The following DNAI3 variants were observed in gnomAD, a reference collection of about 807,000 sequenced individuals.
The protein encoded by DNAI3 is WD repeat domain 63.
DNAI3 carries 83 observed loss-of-function variants against 115.5 expected under a neutral mutation model. The observed-to-expected ratio is 0.72, with a 90% CI of 0.60 to 0.86. The LOEUF (loss-of-function observed/expected upper bound fraction) is 0.86. DNAI3 is among the 40% of genes least tolerant of loss of function. The pLI, the probability that DNAI3 is intolerant of heterozygous loss-of-function variation, is 0.00. For synonymous variants in DNAI3, 320 were observed against 347.0 expected, an observed-to-expected ratio of 0.92 and a Z score of 0.86; for missense variants, 1,004 against 1,075.8, an observed-to-expected ratio of 0.93 and a Z score of 0.93.
chr1:85,063,710 A>G (rs1043326449), intron 1 of DNAI3, among the ~76,000 whole-genome samples: 3 of 152,180 alleles, frequency 2.0e-5, no homozygotes, highest in African/African-American at 4.8e-5. Flanking sequence ...TACAGGGAAG[A>G]GACTTGATAA....
rs547528152 is a variant in DNAI3 at position 85,096,113 on chromosome 1, A to T, written c.1263+93A>T. ...GCAGTTCCTTGGACTTAAGGATTCA[A>T]TTCAGCAGAAGGAAGGCATGCCAAT... On this transcript the variant is annotated intron_variant, in intron 11 of 22. Transcript: ENST00000294664. 8 of 1,176,578 alleles carry T rather than the reference A, an allele frequency of 6.8e-6. No homozygotes were observed. In the East Asian group the frequency reaches 1.7e-4, roughly 25 times the overall value. The allele number at this position is 1,176,578 out of a possible 1,614,324, so 72.9% of individuals were successfully genotyped here.
chr1:85,121,641 C>A, intron 17 of DNAI3, 110 bp from the exon 18 acceptor site: 1 of 965,700 alleles, frequency 1.0e-6, no homozygotes, highest in Non-Finnish European at 1.6e-6. Context: ...ATTAAATTGA[C>A]TTGTTGTTTT....
intron 9 of DNAI3, 69 bp from the exon 10 acceptor site, chr1:85,094,362 G>A (rs1020736629): frequency 1.3e-6 from 2 of 1,589,790 alleles, no homozygotes; most frequent in African/African-American, 2.7e-5. Context: ...GTGTAGAAAA[G>A]CAAAAGCTAG....
At chr1:85,063,981 A>T (rs1347043757) in intron 1 of DNAI3, among the ~76,000 whole-genome samples, 1 of 152,218 alleles carries the variant, frequency 6.6e-6, no homozygotes, top group Non-Finnish European at 1.5e-5. Context: ...GATTGTAAAT[A>T]TATTATTTAT....
At chr1:85,064,530 C>T (rs1479122754) in intron 1 of DNAI3, among the ~76,000 whole-genome samples, 2 of 152,170 alleles carry the variant, frequency 1.3e-5, no homozygotes, top group African/African-American at 2.4e-5. Context: ...TTCTTGCAGA[C>T]GCATTTACCA....
rs533277129 is a variant in DNAI3 at position 85,103,462 on chromosome 1, C to T, written c.1480-1062C>T. ...CTTAGCCTCTTTCCCATTGATCTTA[C>T]CTGCTTAGCAACCTCATAAAAGCCT... On this transcript the variant is annotated intron_variant, in intron 13 of 22. Coordinates refer to ENST00000294664, the MANE Select transcript of DNAI3 (RefSeq NM_145172.5). Among the ~76,000 whole-genome samples, 3 of 152,296 alleles carry T rather than the reference C, an allele frequency of 2.0e-5. No individual in the cohort carries two copies. The South Asian group carries it at 6.2e-4, about 32-fold the overall frequency.
intron 17 of DNAI3, among the ~76,000 whole-genome samples, chr1:85,119,387 C>T (rs970360437): frequency 6.6e-6 from 1 of 152,198 alleles, no homozygotes; most frequent in Non-Finnish European, 1.5e-5. Flanking sequence ...TCTGTATCTA[C>T]GAATGTGACT....
intron 13 of DNAI3, among the ~76,000 whole-genome samples, chr1:85,100,982 G>A (rs1287603350): frequency 6.6e-6 from 1 of 151,716 alleles, no homozygotes; most frequent in South Asian, 2.1e-4. Context: ...GTGGGGTGGG[G>A]GGAGGAGGGG....
At chr1:85,129,909 A>C in intron 21 of DNAI3, 81 bp from the exon 22 acceptor site, 1 of 1,491,866 alleles carries the variant, frequency 6.7e-7, no homozygotes, top group Admixed American at 2.4e-5. Context: ...AATTACAAGC[A>C]GCAGAAATTC....
intron 15 of DNAI3, among the ~76,000 whole-genome samples, chr1:85,108,815 G>C (rs1161087927): frequency 6.6e-6 from 1 of 152,170 alleles, no homozygotes; most frequent in Middle Eastern, 3.4e-3. Context: ...TTTAGATCCA[G>C]GTAGAAATCA....
At chr1:85,117,606 C>G (rs759678380) in intron 16 of DNAI3, 123 bp from the exon 17 acceptor site, 13 of 1,314,520 alleles carry the variant, frequency 9.9e-6, no homozygotes, top group Non-Finnish European at 1.4e-5. Context: ...GACTTATGCT[C>G]ACTACATTGG....
chr1:85,117,948 A>G (rs1339251498), intron 17 of DNAI3, 89 bp downstream of exon 17: 6 of 1,431,074 alleles, frequency 4.2e-6, no homozygotes, highest in Non-Finnish European at 5.6e-6. Context: ...TTGCTGTGTA[A>G]AGACATAAAA....
At chr1:85,089,181 T>G (rs964897126) in intron 7 of DNAI3, among the ~76,000 whole-genome samples, 2 of 152,088 alleles carry the variant, frequency 1.3e-5, no homozygotes, top group Non-Finnish European at 2.9e-5. Context: ...CATTCAATCC[T>G]TACAATGACA....
At chr1:85,080,749 A>G (rs1207511190) in intron 3 of DNAI3, among the ~76,000 whole-genome samples, 1 of 152,246 alleles carries the variant, frequency 6.6e-6, no homozygotes, top group Non-Finnish European at 1.5e-5. Flanking sequence ...ATTTATAACT[A>G]GATATTTGTT....
At chr1:85,069,671 C>T (rs372705040) in intron 1 of DNAI3, among the ~76,000 whole-genome samples, 3 of 151,948 alleles carry the variant, frequency 2.0e-5, no homozygotes, top group African/African-American at 2.4e-5. Flanking sequence ...CAGCCATGAG[C>T]GTGCCACATA....
At chr1:85,132,556 A>T (rs1218635875) in intron 22 of DNAI3, among the ~76,000 whole-genome samples, 1 of 152,194 alleles carries the variant, frequency 6.6e-6, no homozygotes, top group Non-Finnish European at 1.5e-5. Flanking sequence ...TGCAACCTCT[A>T]GGCTATTAGT....
intron 14 of DNAI3, among the ~76,000 whole-genome samples, chr1:85,105,528 C>CAAAAAA (rs755945527): frequency 2.5e-4 from 13 of 51,348 alleles, no homozygotes; most frequent in Admixed American, 6.0e-4. Context: ...AACTCTGTCT[C>CAAAAAA]AAAAAAAAAA....
chr1:85,075,721 A>G (rs1023720251), intron 3 of DNAI3, among the ~76,000 whole-genome samples: 4 of 152,212 alleles, frequency 2.6e-5, no homozygotes, highest in Admixed American at 2.0e-4. Context: ...GAGAATAAAT[A>G]TAATTTTTAC....
chr1:85,110,446 A>G (rs537967504), intron 16 of DNAI3, among the ~76,000 whole-genome samples: 98 of 23,048 alleles, frequency 4.3e-3, no homozygotes, highest in African/African-American at 0.016. Flanking sequence ...GCGAGACTCC[A>G]TCTCAAATAA....
Sources: allele counts gnomAD v4.1 joint callset (sites outside exome capture counted in the v4.1 genomes callset), GRCh38; gene constraint gnomAD v4.1.1; transcripts MANE v1.5; gene names NCBI Gene and HGNC (gene_info 2026-07-23, HGNC 2026-07-21).